LINGO2: variants seen among roughly 807,000 people sequenced by gnomAD.
The protein encoded by LINGO2 is leucine-rich repeat and immunoglobulin-like domain-containing nogo receptor-interacting protein 2.
A neutral mutation model predicts 30.6 loss-of-function variants in LINGO2; 14 were observed. That is an observed-to-expected ratio of 0.46 (90% CI 0.30 to 0.72). LINGO2 has a LOEUF of 0.72. Among genes scored for constraint, LINGO2 ranks in the 30% least tolerant of loss-of-function variants. The pLI is 0.07. For synonymous variants in LINGO2, 317 were observed against 288.5 expected, an observed-to-expected ratio of 1.10 and a Z score of -1.00; for missense variants, 729 against 751.7, an observed-to-expected ratio of 0.97 and a Z score of 0.35.
At chr9:29,034,696 T>C in the LINGO2 span, among the ~76,000 whole-genome samples, 1 of 152,188 alleles carries the variant, frequency 6.6e-6, no homozygotes, top group African/African-American at 2.4e-5. Flanking sequence ...ATTATAATCA[T>C]TAAAATAAAA....
chr9:28,660,263 C>G (rs1031807153), intron 1 of LINGO2, among the ~76,000 whole-genome samples: 2 of 151,486 alleles, frequency 1.3e-5, no homozygotes, highest in Non-Finnish European at 2.9e-5. Flanking sequence ...TTAATTTTAC[C>G]ATATTAATAA....
chr9:29,025,488 ATC>A, the LINGO2 span, among the ~76,000 whole-genome samples: 1 of 152,114 alleles, frequency 6.6e-6, no homozygotes, highest in African/African-American at 2.4e-5. Context: ...CAATATTCTA[ATC>A]TCTGTGTTAT....
chr9:28,788,597 C>T, the LINGO2 span, among the ~76,000 whole-genome samples: 1 of 152,174 alleles, frequency 6.6e-6, no homozygotes, highest in Admixed American at 6.5e-5. Flanking sequence ...CACAGTTCAG[C>T]ATGGCTGGGG....
At chr9:28,441,316 G>A (rs1468461254) in intron 2 of LINGO2, among the ~76,000 whole-genome samples, 1 of 105,636 alleles carries the variant, frequency 9.5e-6, no homozygotes, top group Non-Finnish European at 1.8e-5. Context: ...CTCTCTTCAG[G>A]AAGTTTATAT....
the LINGO2 span, among the ~76,000 whole-genome samples, chr9:28,759,411 G>C: frequency 6.6e-6 from 1 of 152,006 alleles, no homozygotes; most frequent in African/African-American, 2.4e-5. Context: ...GGCCGGGTGC[G>C]GTGGCTCACA....
chr9:28,433,597 C>T (rs957301175), intron 2 of LINGO2, among the ~76,000 whole-genome samples: 2 of 151,740 alleles, frequency 1.3e-5, no homozygotes, highest in African/African-American at 2.4e-5. Context: ...TGCACTCCAG[C>T]GAGAATGGTC....
chr9:28,306,737 T>C (rs2134233456), intron 3 of LINGO2, among the ~76,000 whole-genome samples: 1 of 152,042 alleles, frequency 6.6e-6, no homozygotes, highest in Non-Finnish European at 1.5e-5. Context: ...TAAAAAATGA[T>C]AAAGGGGATA....
intron 1 of LINGO2, among the ~76,000 whole-genome samples, chr9:28,664,444 C>T (rs1484288803): frequency 1.3e-5 from 2 of 151,898 alleles, no homozygotes; most frequent in African/African-American, 2.4e-5. Context: ...GTAGATTTTA[C>T]GTTGATCAGA....
At chr9:28,156,750 T>C (rs547148169) in intron 4 of LINGO2, among the ~76,000 whole-genome samples, 1 of 152,322 alleles carries the variant, frequency 6.6e-6, no homozygotes, top group East Asian at 1.9e-4. Context: ...AATACAGCCA[T>C]TCTAAATGGG....
At chr9:28,117,863 C>T (rs1267949004) in intron 4 of LINGO2, among the ~76,000 whole-genome samples, 1 of 152,118 alleles carries the variant, frequency 6.6e-6, no homozygotes, top group Non-Finnish European at 1.5e-5. Context: ...GCAGATATCA[C>T]CCCCAGAATA....
the LINGO2 span, among the ~76,000 whole-genome samples, chr9:28,750,293 G>A: frequency 2.0e-5 from 3 of 152,132 alleles, no homozygotes; most frequent in African/African-American, 7.2e-5. Flanking sequence ...CAACACCCCA[G>A]TCCCATATTC....
At chr9:28,355,273 G>A (rs13299769) in intron 3 of LINGO2, among the ~76,000 whole-genome samples, 1 of 15,212 alleles carries the variant, frequency 6.6e-5, no homozygotes, top group Admixed American at 5.4e-4. Context: ...CTCTCTCTCT[G>A]TCTCTGTCTC....
At chr9:29,117,226 G>A in the LINGO2 span, among the ~76,000 whole-genome samples, 1 of 152,150 alleles carries the variant, frequency 6.6e-6, no homozygotes. Flanking sequence ...GAAGGAAGCA[G>A]GATAGGGCAG....
chr9:28,339,988 C>T (rs1379690802), intron 3 of LINGO2, among the ~76,000 whole-genome samples: 1 of 152,144 alleles, frequency 6.6e-6, no homozygotes, highest in Admixed American at 6.6e-5. Context: ...CCTCCATTAT[C>T]CTGCTTCACA....
the LINGO2 span, among the ~76,000 whole-genome samples, chr9:29,096,404 G>A: frequency 1.4e-5 from 2 of 139,690 alleles, 1 homozygote; most frequent in African/African-American, 5.4e-5. Flanking sequence ...TCATGCCTCA[G>A]CCTCCTGAGT....
intron 2 of LINGO2, among the ~76,000 whole-genome samples, chr9:28,402,298 C>A (rs1822304085): frequency 6.6e-6 from 1 of 151,842 alleles, no homozygotes. Context: ...TTTCTTTCCC[C>A]CCTATTTGTT....
chr9:28,669,485 AT>A (rs1419158088), intron 1 of LINGO2, among the ~76,000 whole-genome samples: 1 of 151,956 alleles, frequency 6.6e-6, no homozygotes, highest in Non-Finnish European at 1.5e-5. Flanking sequence ...TTTCTCTGTA[AT>A]TTCAGATAGT....
the LINGO2 span, among the ~76,000 whole-genome samples, chr9:29,038,032 G>A: frequency 6.6e-6 from 1 of 151,922 alleles, no homozygotes; most frequent in Non-Finnish European, 1.5e-5. Context: ...TATTTATGTT[G>A]ATGATATTTT....
At position 27,988,232 on chromosome 9, in the gene LINGO2, C is replaced by G. The variant is rs575944706; in HGVS notation, c.-36+24123G>C. On this transcript the variant is annotated intron_variant, in intron 5 of 5. Coordinates refer to ENST00000379992, the Ensembl canonical transcript of LINGO2. Reference sequence around the variant, plus strand: ...CCATGGTGTATATGTGCCACATTTTCTCAATCCAGTCTATCGTTGATGGAC... The same window carrying G: ...CCATGGTGTATATGTGCCACATTTTGTCAATCCAGTCTATCGTTGATGGAC... Among the ~76,000 whole-genome samples, 838 of 152,210 alleles carry G rather than the reference C, an allele frequency of 5.5e-3. 9 individuals are homozygous for G. The highest frequency in any genetic ancestry group is 0.019 in the African/African-American group (791 of 41,546).
Sources: gnomAD v4.1 joint callset for allele counts (sites outside exome capture counted in the v4.1 genomes callset) on GRCh38, gnomAD v4.1.1 for gene constraint, MANE v1.5 for transcripts, NCBI Gene and HGNC (gene_info 2026-07-23, HGNC 2026-07-21) for gene names.